LRRC4C: variants seen among roughly 807,000 people sequenced by gnomAD.
The protein encoded by LRRC4C is leucine rich repeat containing 4C, also known as leucine-rich repeat-containing protein 4C.
A neutral mutation model predicts 33.6 loss-of-function variants in LRRC4C; 5 were observed. The ratio of observed to expected loss-of-function variants is 0.15; its 90% confidence interval spans 0.08 to 0.31. The LOEUF (loss-of-function observed/expected upper bound fraction) is 0.31. Among genes scored for constraint, LRRC4C ranks in the 10% least tolerant of loss-of-function variants. The pLI is 1.00. For synonymous variants in LRRC4C, 329 were observed against 302.0 expected, an observed-to-expected ratio of 1.09 and a Z score of -0.93; for missense variants, 560 against 796.7, an observed-to-expected ratio of 0.70 and a Z score of 3.58.
intron 5 of LRRC4C, among the ~76,000 whole-genome samples, chr11:40,192,121 G>T (rs1861892722): frequency 6.6e-6 from 1 of 151,938 alleles, no homozygotes; most frequent in African/African-American, 2.4e-5. Flanking sequence ...TCAATATTTG[G>T]CTATATTGTA....
intron 6 of LRRC4C, among the ~76,000 whole-genome samples, chr11:40,131,165 T>C (rs1367314486): frequency 6.6e-6 from 1 of 152,212 alleles, no homozygotes. Flanking sequence ...TTTTAATTCA[T>C]AGTCAGCAGC....
At chr11:40,684,590 T>C (rs1944864674) in intron 2 of LRRC4C, among the ~76,000 whole-genome samples, 1 of 151,894 alleles carries the variant, frequency 6.6e-6, no homozygotes, top group East Asian at 1.9e-4. Flanking sequence ...TTTTTTAGAA[T>C]TGAGAGGGTT....
intron 3 of LRRC4C, among the ~76,000 whole-genome samples, chr11:40,350,692 T>G (rs1268988035): frequency 6.6e-6 from 1 of 152,086 alleles, no homozygotes; most frequent in African/African-American, 2.4e-5. Flanking sequence ...AAGTAAGAAC[T>G]TTTTAATAAT....
In LRRC4C at chr11:40,391,199, TC is replaced by T. The variant is rs1381407916; in HGVS notation, c.-269-71479del. ...ACATTTGTTCCTTAGTGACAAGGAT[TC>T]TGTCTTTCCTTTTAATATCTCAAAT... On this transcript the variant is annotated intron_variant, in intron 3 of 6. Transcript: ENST00000528697. 3.3e-5 allele frequency among the ~76,000 whole-genome samples: 5 copies of T among 152,298 alleles called. No homozygotes were observed. The East Asian group carries it at 7.7e-4, about 24-fold the overall frequency.
intron 2 of LRRC4C, among the ~76,000 whole-genome samples, chr11:40,902,352 T>C (rs1362510213): frequency 1.3e-5 from 2 of 152,076 alleles, no homozygotes; most frequent in African/African-American, 4.8e-5. Context: ...TGTCTGACAG[T>C]TTCAATGATG....
chr11:40,429,565 T>TAAAAA (rs1160399662), intron 3 of LRRC4C, among the ~76,000 whole-genome samples: 1 of 118,790 alleles, frequency 8.4e-6, no homozygotes, highest in African/African-American at 3.3e-5. Context: ...GGTGCAATAA[T>TAAAAA]AATAAAAAAA....
intron 2 of LRRC4C, among the ~76,000 whole-genome samples, chr11:40,880,863 G>GTA (rs61004501): frequency 0.2 from 28,539 of 145,028 alleles, 4,036 homozygotes; most frequent in African/African-American, 0.4. Context: ...ATGTGTGTGT[G>GTA]TATATATATA....
intron 1 of LRRC4C, among the ~76,000 whole-genome samples, chr11:41,392,939 T>C (rs772492700): frequency 1.2e-4 from 18 of 151,824 alleles, no homozygotes; most frequent in Non-Finnish European, 2.4e-4. Context: ...TCCTAGGAGA[T>C]AGGATTTTAT....
chr11:40,362,958 T>C (rs757840473), intron 3 of LRRC4C, among the ~76,000 whole-genome samples: 1 of 152,152 alleles, frequency 6.6e-6, no homozygotes, highest in Non-Finnish European at 1.5e-5. Context: ...ACTTACACGC[T>C]GTTGGTGGGG....
At position 41,129,794 on chromosome 11, in the gene LRRC4C, G is replaced by A. The variant is rs113335107; in HGVS notation, c.-495-196071C>T. ...TTTTAACTAATTATCTAAGGTCACC[G>A]TTAACATCTTAGTTGTTACAGGTTA... On this transcript the variant is annotated intron_variant, in intron 1 of 6. Transcript: ENST00000528697. Among the ~76,000 whole-genome samples, 534 of 151,968 alleles carry A rather than the reference G, an allele frequency of 3.5e-3. 5 individuals carry two copies. The highest frequency in any genetic ancestry group is 0.012 in the African/African-American group (506 of 41,498).
intron 1 of LRRC4C, among the ~76,000 whole-genome samples, chr11:41,119,797 C>T (rs529387852): frequency 1.3e-5 from 2 of 152,222 alleles, no homozygotes; most frequent in South Asian, 2.1e-4. Flanking sequence ...TACATTTATG[C>T]TTCACAGATC....
At chr11:40,240,257 C>T (rs560202020) in intron 5 of LRRC4C, among the ~76,000 whole-genome samples, 82 of 152,266 alleles carry the variant, frequency 5.4e-4, no homozygotes, top group African/African-American at 1.9e-3. Context: ...AGAATGTATA[C>T]CTTTCATTCA....
intron 1 of LRRC4C, among the ~76,000 whole-genome samples, chr11:40,953,536 C>A (rs541171621): frequency 3.3e-5 from 5 of 151,710 alleles, no homozygotes; most frequent in African/African-American, 1.2e-4. Flanking sequence ...AGCATATTAC[C>A]CTGATTAAAT....
At chr11:40,502,627 C>T (rs577209554) in intron 3 of LRRC4C, among the ~76,000 whole-genome samples, 43 of 152,228 alleles carry the variant, frequency 2.8e-4, no homozygotes, top group African/African-American at 9.4e-4. Context: ...TTATCTCCCA[C>T]CTGGTCCCTC....
intron 1 of LRRC4C, among the ~76,000 whole-genome samples, chr11:41,407,689 T>C (rs889938843): frequency 1.3e-5 from 2 of 152,196 alleles, no homozygotes; most frequent in African/African-American, 4.8e-5. Context: ...TTATAAACCA[T>C]GTTGCTCAGG....
At chr11:40,655,945 G>A (rs941576954) in intron 2 of LRRC4C, among the ~76,000 whole-genome samples, 15 of 152,016 alleles carry the variant, frequency 9.9e-5, no homozygotes, top group South Asian at 2.1e-4. Flanking sequence ...AGAGGAAATC[G>A]TCATACACTT....
chr11:40,432,227 T>C (rs78763229), intron 3 of LRRC4C, among the ~76,000 whole-genome samples: 1 of 152,092 alleles, frequency 6.6e-6, no homozygotes, highest in Non-Finnish European at 1.5e-5. Context: ...TTGCTAATCA[T>C]CCTGCCCAAG....
intron 1 of LRRC4C, among the ~76,000 whole-genome samples, chr11:41,129,620 C>A (rs1025921845): frequency 6.6e-6 from 1 of 151,722 alleles, no homozygotes; most frequent in Admixed American, 6.6e-5. Context: ...TTTCCTAAGA[C>A]CTCTGCCATT....
At chr11:41,248,995 C>T (rs1948543273) in intron 1 of LRRC4C, among the ~76,000 whole-genome samples, 2 of 151,768 alleles carry the variant, frequency 1.3e-5, no homozygotes, top group Non-Finnish European at 2.9e-5. Context: ...TTGCCCACTT[C>T]TCACTATAGC....
Sources: allele counts gnomAD v4.1 joint callset (sites outside exome capture counted in the v4.1 genomes callset), GRCh38; gene constraint gnomAD v4.1.1; transcripts MANE v1.5; gene names NCBI Gene and HGNC (gene_info 2026-07-23, HGNC 2026-07-21).